Variants in TBPL2 observed in about 807,000 individuals in gnomAD.
TBPL2 encodes the protein TATA-box binding protein like 2.
Under a neutral mutation model 38.2 loss-of-function variants are expected in TBPL2, and 40 were observed. That is an observed-to-expected ratio of 1.05 (90% CI 0.81 to 1.36). The LOEUF (loss-of-function observed/expected upper bound fraction) is 1.36. TBPL2 is among the 40% of genes most tolerant of loss of function. The pLI is 0.00. For missense variants in TBPL2, 461 were observed against 456.7 expected (o/e 1.01, Z -0.09); for synonymous variants, 169 against 171.7 (o/e 0.98, Z 0.12).
chr14:55,420,985 C>G (rs9635231), intron 6 of TBPL2, among the ~76,000 whole-genome samples: 1 of 149,098 alleles, frequency 6.7e-6, no homozygotes, highest in African/African-American at 2.5e-5. Context: ...GGCGTGAACC[C>G]GGGAGGCGGA....
intron 5 of TBPL2, among the ~76,000 whole-genome samples, chr14:55,424,576 T>C (rs567029083): frequency 3.4e-4 from 52 of 152,344 alleles, no homozygotes; most frequent in African/African-American, 1.1e-3. Flanking sequence ...TTCAAAAAAG[T>C]CTGTTAATAA....
intron 1 of TBPL2, among the ~76,000 whole-genome samples, chr14:55,440,098 AAATCAATCAATC>A (rs373713383): frequency 1.3e-5 from 2 of 151,238 alleles, no homozygotes; most frequent in Non-Finnish European, 3.0e-5. Context: ...TCTCAGAGAA[AAATCAATCAATC>A]AATCAATCAA....
chr14:55,435,941 A>C lies in TBPL2; in HGVS notation c.609-7T>G. ...TACAGTGGAAACTATATTCCTGAAG[A>C]AATAAGTCAGTTTAGAAACTTATAT... On this transcript the variant is annotated splice_region_variant and splice_polypyrimidine_tract_variant and intron_variant, in intron 2 of 6. Coordinates refer to ENST00000247219, the Ensembl canonical transcript of TBPL2. 6.5e-7 allele frequency: 1 copy of C among 1,547,820 alleles called. No homozygotes were observed. The highest frequency in any genetic ancestry group is 8.7e-7 in the Non-Finnish European group (1 of 1,146,572).
At chr14:55,439,277 T>TA (rs1566596380) in intron 1 of TBPL2, among the ~76,000 whole-genome samples, 2 of 70,446 alleles carry the variant, frequency 2.8e-5, no homozygotes, top group Middle Eastern at 6.7e-3. Flanking sequence ...GTAATTAACT[T>TA]TAAAAAAAAA....
At chr14:55,434,331 G>A (rs1172508144) in intron 3 of TBPL2, among the ~76,000 whole-genome samples, 2 of 152,182 alleles carry the variant, frequency 1.3e-5, no homozygotes, top group Non-Finnish European at 2.9e-5. Context: ...CCCTGCAGGT[G>A]AGGCTGACAC....
Position 55,417,280 on chromosome 14 carries a change from A to G in TBPL2, c.1052-2825T>C, listed in dbSNP as rs961660135. On this transcript the variant is annotated intron_variant, in intron 6 of 6. Coordinates refer to ENST00000247219, the Ensembl canonical transcript of TBPL2. ...CAAATCAACATTGCCAGTATTTGTA[A>G]CAGGTTGTTAAAATGAGGGGATTTG... Among the ~76,000 whole-genome samples, 14 of 152,110 alleles carry G rather than the reference A, an allele frequency of 9.2e-5. 1 individual carries two copies. The highest frequency in any genetic ancestry group is 1.9e-4 in the Non-Finnish European group (13 of 68,004).
chr14:55,424,925 C>T (rs762771827), intron 5 of TBPL2, among the ~76,000 whole-genome samples: 12 of 152,090 alleles, frequency 7.9e-5, no homozygotes, highest in Non-Finnish European at 1.5e-4. Context: ...GCTTGAGGAA[C>T]CTACCAAAAA....
chr14:55,425,192 G>C (rs1885802323), intron 5 of TBPL2, among the ~76,000 whole-genome samples: 1 of 152,132 alleles, frequency 6.6e-6, no homozygotes, highest in Non-Finnish European at 1.5e-5. Context: ...AAGTATAGGA[G>C]GTCATTGTGG....
rs749256929 is a variant in TBPL2 at position 55,424,289 on chromosome 14, A to T, written c.957-36T>A. 4 of 1,379,320 alleles carry T rather than the reference A, an allele frequency of 2.9e-6. No homozygotes were observed. The East Asian group carries it at 9.2e-5, about 32-fold the overall frequency. The allele number at this position is 1,379,320 out of a possible 1,614,324, so 85.4% of individuals were successfully genotyped here. A position where few individuals can be genotyped will look rare whatever the true frequency, so the allele number is the denominator to read the frequency against. ...GTAAAAGGAAAATGTTAAAAATAGC[A>T]CTATTCAGCTCCTTTCCCATAACAT... On this transcript the variant is annotated intron_variant, in intron 5 of 6. Coordinates refer to ENST00000247219, the Ensembl canonical transcript of TBPL2.
At chr14:55,428,725 G>T in intron 5 of TBPL2, 82 bp downstream of exon 5, 12 of 1,357,016 alleles carry the variant, frequency 8.8e-6, no homozygotes, top group Non-Finnish European at 1.2e-5. Flanking sequence ...CAATTTCTCT[G>T]AAAGATACTT....
At chr14:55,415,508 A>C (rs1299218132) in intron 6 of TBPL2, among the ~76,000 whole-genome samples, 1 of 152,196 alleles carries the variant, frequency 6.6e-6, no homozygotes, top group Admixed American at 6.5e-5. Flanking sequence ...CTTTCATTGC[A>C]GCACTATTCA....
intron 1 of TBPL2, chr14:55,439,031 G>C (rs1321723762): frequency 3.3e-5 from 5 of 150,436 alleles, no homozygotes; most frequent in African/African-American, 7.4e-5. Context: ...TCTTCCTCCT[G>C]GATGCAAGCA....
intron 6 of TBPL2, among the ~76,000 whole-genome samples, chr14:55,420,156 C>T (rs56015424): frequency 0.4 from 61,358 of 152,094 alleles, 14,357 homozygotes; most frequent in East Asian, 0.59. Context: ...CTGCAACTTC[C>T]GCCTCCCAGG....
At chr14:55,427,920 C>G (rs548221931) in intron 5 of TBPL2, among the ~76,000 whole-genome samples, 130 of 147,378 alleles carry the variant, frequency 8.8e-4, no homozygotes, top group Non-Finnish European at 1.6e-3. Flanking sequence ...TGGCTGTGGC[C>G]CGGGCTGGAG....
chr14:55,436,699 T>C (rs763458113), exon 2 of TBPL2: 1 of 1,614,224 alleles, frequency 6.2e-7, no homozygotes, highest in Admixed American at 1.7e-5. Flanking sequence ...AGGGTGCAGC[T>C]GTGAATGGGA....
chr14:55,415,732 G>A (rs1017947893), intron 6 of TBPL2, among the ~76,000 whole-genome samples: 4 of 152,044 alleles, frequency 2.6e-5, no homozygotes, highest in African/African-American at 4.8e-5. Context: ...TAGGCGTGGC[G>A]GTGGGCGTCT....
exon 7 of TBPL2, chr14:55,414,419 T>G: frequency 6.2e-7 from 1 of 1,609,290 alleles, no homozygotes; most frequent in Non-Finnish European, 8.5e-7. Flanking sequence ...ATAGATGTTT[T>G]CAAATGCTTC....
In TBPL2 at chr14:55,436,849, G is replaced by A. The variant is rs1327876594; in HGVS notation, c.320C>T (p.Thr107Ile). 2.5e-6 allele frequency: 4 copies of A among 1,614,196 alleles called. No homozygotes were observed. In the South Asian group the frequency reaches 3.3e-5, roughly 13 times the overall value. Residue 107 changes from threonine (T) to isoleucine (I), a missense_variant, in exon 2 of 7, where the codon ACC becomes ATC. Coordinates refer to ENST00000247219, the Ensembl canonical transcript of TBPL2. ...GACAGGCTGGTCTTTATTTTCCTGG[G>A]TAACTTCATCTGGTAGGAAGCTAAG...
chr14:55,428,709 T>TTA, intron 5 of TBPL2, 98 bp downstream of exon 5: 1 of 1,306,258 alleles, frequency 7.7e-7, no homozygotes. Flanking sequence ...TTTTTTTTTT[T>TTA]AATCACAATT....
Sources: gnomAD v4.1 joint callset for allele counts (sites outside exome capture counted in the v4.1 genomes callset) on GRCh38, gnomAD v4.1.1 for gene constraint, MANE v1.5 for transcripts, NCBI Gene and HGNC (gene_info 2026-07-23, HGNC 2026-07-21) for gene names.